The following NBAS variants were observed in gnomAD, a reference collection of about 807,000 sequenced individuals.
NBAS encodes NBAS subunit of NRZ tethering complex.
Under a neutral mutation model 302.5 loss-of-function variants are expected in NBAS, and 219 were observed. The ratio of observed to expected loss-of-function variants is 0.72; its 90% CI spans 0.65 to 0.81. NBAS has a LOEUF of 0.81. NBAS is among the 30% of genes least tolerant of loss of function. The pLI is 0.00. For missense variants in NBAS, 2,932 were observed against 2,841.6 expected (o/e 1.03, Z -0.72); for synonymous variants, 1,118 against 1,021.6 (o/e 1.09, Z -1.80).
chr2:15,009,778 C>A, the NBAS span, among the ~76,000 whole-genome samples: 1 of 149,056 alleles, frequency 6.7e-6, no homozygotes, highest in African/African-American at 2.5e-5. Flanking sequence ...GATGAAGCAG[C>A]CTGTGTCAGT....
intron 10 of NBAS, among the ~76,000 whole-genome samples, chr2:15,505,911 AG>A (rs1019105847): frequency 3.9e-5 from 6 of 152,162 alleles, no homozygotes; most frequent in Non-Finnish European, 7.3e-5. Context: ...AGAGTGAAAA[AG>A]GGTTAATAAT....
At chr2:15,103,011 GGAAGGAAGGA>G in the NBAS span, among the ~76,000 whole-genome samples, 1 of 141,132 alleles carries the variant, frequency 7.1e-6, no homozygotes, top group Non-Finnish European at 1.5e-5. Context: ...AAGGAAGGAA[GGAAGGAAGGA>G]AGGAAGGAAA....
At chr2:15,355,921 C>G (rs1265465624) in intron 33 of NBAS, among the ~76,000 whole-genome samples, 1 of 151,962 alleles carries the variant, frequency 6.6e-6, no homozygotes. Context: ...AATACACTAT[C>G]TTTAAAAAAA....
rs1262416380 is a variant in NBAS at position 15,322,582 on chromosome 2, C to T, written c.4582+5168G>A. Among the ~76,000 whole-genome samples the T allele has an allele frequency of 6.6e-5, 10 of 152,180 alleles. No homozygotes were observed. In the East Asian group the frequency reaches 1.9e-3, roughly 29 times the overall value. ...ATTAGCCATTAAATCATTCATTTTGCTAAATAAATAATGACCAACTTTCTT... is the reference window on the plus strand; with the variant it reads ...ATTAGCCATTAAATCATTCATTTTGTTAAATAAATAATGACCAACTTTCTT... On this transcript the variant is annotated intron_variant, in intron 38 of 51. Transcript: ENST00000281513.
At chr2:15,278,299 GAC>G (rs550323338) in intron 42 of NBAS, among the ~76,000 whole-genome samples, 55 of 152,198 alleles carry the variant, frequency 3.6e-4, no homozygotes, top group African/African-American at 1.2e-3. Flanking sequence ...TTTCCATTAA[GAC>G]ACAGTGCAAA....
At chr2:15,360,339 A>C (rs1416692921) in intron 32 of NBAS, among the ~76,000 whole-genome samples, 2 of 118,176 alleles carry the variant, frequency 1.7e-5, no homozygotes, top group Non-Finnish European at 4.2e-5. Context: ...TTAAAAAAAA[A>C]AAAAAAACAA....
intron 44 of NBAS, among the ~76,000 whole-genome samples, chr2:15,273,189 G>A (rs1669408578): frequency 6.6e-6 from 1 of 152,184 alleles, no homozygotes; most frequent in Non-Finnish European, 1.5e-5. Flanking sequence ...TCACCATCCT[G>A]GCTGACCTGC....
At chr2:14,970,636 T>C in the NBAS span, among the ~76,000 whole-genome samples, 2 of 152,298 alleles carry the variant, frequency 1.3e-5, no homozygotes, top group Non-Finnish European at 1.5e-5. Context: ...TAGAGGACTC[T>C]AACACCCTGG....
At chr2:14,785,131 G>T in the NBAS span, among the ~76,000 whole-genome samples, 4,938 of 152,104 alleles carry the variant, frequency 0.032, 251 homozygotes, top group African/African-American at 0.11. Context: ...GTCTGTTATT[G>T]GTGTATAAGA....
At chr2:15,248,091 A>T (rs1459940654) in intron 44 of NBAS, among the ~76,000 whole-genome samples, 1 of 152,244 alleles carries the variant, frequency 6.6e-6, no homozygotes, top group African/African-American at 2.4e-5. Flanking sequence ...AATGGAAATC[A>T]TAACAAACAG....
At chr2:15,013,257 C>A in the NBAS span, among the ~76,000 whole-genome samples, 1 of 151,964 alleles carries the variant, frequency 6.6e-6, no homozygotes, top group East Asian at 1.9e-4. Flanking sequence ...ATCAGGAAAA[C>A]AAGTAAACTA....
intron 21 of NBAS, among the ~76,000 whole-genome samples, chr2:15,441,173 T>C (rs558698373): frequency 5.7e-4 from 87 of 152,222 alleles, no homozygotes; most frequent in East Asian, 2.3e-3. Context: ...AAGATACTCA[T>C]TGAGAAGAGC....
intron 42 of NBAS, among the ~76,000 whole-genome samples, chr2:15,280,546 C>A (rs1669778613): frequency 6.6e-6 from 1 of 152,182 alleles, no homozygotes; most frequent in Admixed American, 6.5e-5. Context: ...CTGAAGGAAG[C>A]TGAGGCTCAG....
At chr2:15,192,317 A>G (rs1474437244) in intron 48 of NBAS, among the ~76,000 whole-genome samples, 3 of 150,340 alleles carry the variant, frequency 2.0e-5, no homozygotes, top group Non-Finnish European at 4.4e-5. Context: ...GTAAGTACTT[A>G]TTGAGTGAAT....
At chr2:15,517,664 T>C (rs1302582417) in intron 9 of NBAS, among the ~76,000 whole-genome samples, 1 of 150,914 alleles carries the variant, frequency 6.6e-6, no homozygotes, top group Non-Finnish European at 1.5e-5. Context: ...TCAATAAACC[T>C]ATTGTAAATG....
chr2:15,007,808 G>C, the NBAS span, among the ~76,000 whole-genome samples: 3 of 152,138 alleles, frequency 2.0e-5, no homozygotes, highest in Non-Finnish European at 2.9e-5. Context: ...GCTTGGATTT[G>C]GTCATCTGAT....
At chr2:15,034,026 A>AG in the NBAS span, among the ~76,000 whole-genome samples, 533 of 50,022 alleles carry the variant, frequency 0.011, 16 homozygotes, top group Middle Eastern at 0.03. Flanking sequence ...AAGAAGAAGA[A>AG]GAGGAGGAGG....
intron 32 of NBAS, among the ~76,000 whole-genome samples, chr2:15,359,277 G>T (rs763137386): frequency 1.3e-5 from 2 of 152,104 alleles, no homozygotes; most frequent in African/African-American, 4.8e-5. Flanking sequence ...TTAATTCACA[G>T]GCACCTGACC....
At chr2:15,300,998 G>A (rs748141707) in intron 40 of NBAS, among the ~76,000 whole-genome samples, 16 of 152,180 alleles carry the variant, frequency 1.1e-4, no homozygotes, top group Non-Finnish European at 1.9e-4. Context: ...CAGGAAGCAC[G>A]GCTGGAGGGG....
Sources: gnomAD v4.1 joint callset for allele counts (sites outside exome capture counted in the v4.1 genomes callset) on GRCh38, gnomAD v4.1.1 for gene constraint, MANE v1.5 for transcripts, NCBI Gene and HGNC (gene_info 2026-07-23, HGNC 2026-07-21) for gene names.